Variants in PTCD3 observed in about 807,000 individuals in gnomAD.
The protein encoded by PTCD3 is small ribosomal subunit protein mS39.
In PTCD3, 89 loss-of-function variants were observed where a neutral mutation model predicts 101.9. The ratio of observed to expected loss-of-function variants is 0.87; its 90% confidence interval spans 0.74 to 1.04. PTCD3 has a LOEUF of 1.04. Ranked by LOEUF, PTCD3 falls within the 50% of genes least tolerant of loss-of-function variation. PTCD3 has a pLI of 0.00. For missense variants in PTCD3, 870 were observed against 828.2 expected (o/e 1.05, Z -0.62); for synonymous variants, 296 against 278.5 (o/e 1.06, Z -0.63).
chr2:86,109,889 T>C (rs1674043046), intron 3 of PTCD3, among the ~76,000 whole-genome samples: 1 of 152,242 alleles, frequency 6.6e-6, no homozygotes, highest in African/African-American at 2.4e-5. Flanking sequence ...TGTAGACACA[T>C]GCAGAATGAC....
chr2:86,109,147 T>C (rs1674027051), intron 3 of PTCD3, among the ~76,000 whole-genome samples: 1 of 152,232 alleles, frequency 6.6e-6, no homozygotes, highest in African/African-American at 2.4e-5. Flanking sequence ...GGCTTACGCC[T>C]GTAATCCCAG....
In PTCD3 at chr2:86,137,841, A is replaced by G; in HGVS notation, c.*282A>G. The stretch of plus-strand genomic sequence containing the variant: ...GAGGTCCATGGCTCTTGTCATCAGG[A>G]TAAGCCTGCACACCTAGAGTGTCGG... On this transcript the variant is annotated 3_prime_UTR_variant, in exon 24 of 24. Coordinates refer to ENST00000254630, the MANE Select transcript of PTCD3 (RefSeq NM_017952.6). The G allele has an allele frequency of 2.8e-6, 1 of 357,906 alleles. No homozygotes were observed. Among genetic ancestry groups the G allele is most frequent in the Non-Finnish European group, 5.4e-6 (1 of 184,118 alleles). 22.2% of individuals were successfully genotyped at this position (357,906 alleles called of 1,614,324 possible).
At chr2:86,135,255 T>C in intron 21 of PTCD3, 1 of 320,670 alleles carries the variant, frequency 3.1e-6, no homozygotes, top group Non-Finnish European at 5.7e-6. Context: ...ACCTCATTAT[T>C]CCACTTAAAT....
At chr2:86,120,438 T>C (rs912688299) in intron 7 of PTCD3, among the ~76,000 whole-genome samples, 1 of 150,940 alleles carries the variant, frequency 6.6e-6, no homozygotes, top group Non-Finnish European at 1.5e-5. Context: ...TATAATAATC[T>C]TATGAAGGTA....
chr2:86,113,453 C>T (rs1009271440), intron 4 of PTCD3, among the ~76,000 whole-genome samples: 2 of 152,052 alleles, frequency 1.3e-5, no homozygotes, highest in African/African-American at 2.4e-5. Context: ...CTCCTTAAGT[C>T]GATTATTACA....
Position 86,137,011 on chromosome 2 carries a change from G to A in PTCD3, c.1850G>A (p.Ser617Asn), listed in dbSNP as rs749938118. The A allele has an allele frequency of 2.3e-5, 37 of 1,613,614 alleles. No individual in the cohort carries two copies. The highest frequency in any genetic ancestry group is 3.0e-5 in the Non-Finnish European group (35 of 1,179,950). The change falls in exon 23 of 24, where the codon AGT (serine) becomes AAT (asparagine). Residue 617 changes from serine (S) to asparagine (N), a missense_variant. Physicochemically the swap from Ser to Asn is conservative, Grantham distance 46. Transcript: ENST00000254630. Reference protein sequence around the residue: ...RSELLNELMDSAKVSNSPSQA... With the variant: ...RSELLNELMDNAKVSNSPSQA... ...GAGTTGCTGAATGAGCTTATGGACA[G>A]TGCAAAAGTGTCTAACAGCCCTTCC...
At chr2:86,115,692 C>T (rs1215563342) in intron 4 of PTCD3, among the ~76,000 whole-genome samples, 1 of 152,090 alleles carries the variant, frequency 6.6e-6, no homozygotes, top group Non-Finnish European at 1.5e-5. Context: ...GGCACTCAGA[C>T]ACAGAAGAGA....
At chr2:86,134,217 A>C (rs2104462137) in intron 19 of PTCD3, 75 bp from the exon 20 acceptor site, 1 of 1,122,074 alleles carries the variant, frequency 8.9e-7, no homozygotes, top group South Asian at 1.4e-5. Flanking sequence ...CCTACCAAAA[A>C]ATAGGTTGAC....
At chr2:86,136,922 G>A (rs1229438176) in intron 22 of PTCD3, 60 bp from the exon 23 acceptor site, 2 of 1,587,732 alleles carry the variant, frequency 1.3e-6, no homozygotes, top group Non-Finnish European at 1.7e-6. Flanking sequence ...ACTGGATCTT[G>A]CCTATAAATG....
chr2:86,111,616 G>A (rs1244921333), intron 4 of PTCD3, among the ~76,000 whole-genome samples: 1 of 152,016 alleles, frequency 6.6e-6, no homozygotes, highest in Non-Finnish European at 1.5e-5. Flanking sequence ...TAATCCAGCT[G>A]AGCCAGGTGG....
intron 21 of PTCD3, chr2:86,135,787 G>A: frequency 4.8e-6 from 2 of 413,400 alleles, no homozygotes; most frequent in South Asian, 3.7e-5. Flanking sequence ...TGTCTCTCTA[G>A]CAACTATGCT....
chr2:86,119,360 C>T (rs949115673), intron 7 of PTCD3, among the ~76,000 whole-genome samples: 7 of 141,304 alleles, frequency 5.0e-5, no homozygotes, highest in African/African-American at 1.8e-4. Context: ...TACCCTTTTC[C>T]TTTTTTTTTT....
rs755235910 is a variant in PTCD3, at chr2:86,137,586, G to A, written c.*27G>A. Reference sequence around the variant, plus strand: ...AGTGGAGATTCAGGAGCAGCAATGGGTCTCACCATAGCTGCTGGAATCACA... The same window carrying A: ...AGTGGAGATTCAGGAGCAGCAATGGATCTCACCATAGCTGCTGGAATCACA... On this transcript the variant is annotated 3_prime_UTR_variant, in exon 24 of 24. Coordinates refer to ENST00000254630, the MANE Select transcript of PTCD3 (RefSeq NM_017952.6). 19 of 1,472,286 alleles carry A rather than the reference G, an allele frequency of 1.3e-5. No homozygotes were observed. The African/African-American group carries it at 2.3e-4, about 17-fold the overall frequency. The allele number at this position is 1,472,286 out of a possible 1,614,324, so 91.2% of individuals were successfully genotyped here. A position where few individuals can be genotyped will look rare whatever the true frequency, so the allele number is the denominator to read the frequency against.
At position 86,139,758 on chromosome 2, in the gene PTCD3, A is replaced by C. The variant is rs927536436; in HGVS notation, c.*2199A>C. 6.6e-6 allele frequency: 1 copy of C among 152,126 alleles called. No individual in the cohort carries two copies. Among genetic ancestry groups the C allele is most frequent in the African/African-American group, 2.4e-5 (1 of 41,378 alleles). The allele number at this position is 152,126 out of a possible 1,614,324, so 9.4% of individuals were successfully genotyped here. Reference sequence around the variant, plus strand: ...CTGAGGCTGCAGTAGCCATGACTGCACCACTGCATTCCAGCCTGGTTGACA... The same window carrying C: ...CTGAGGCTGCAGTAGCCATGACTGCCCCACTGCATTCCAGCCTGGTTGACA... On this transcript the variant is annotated 3_prime_UTR_variant, in exon 24 of 24. Transcript: ENST00000254630.
At chr2:86,121,380 A>AG in intron 7 of PTCD3, 99 bp from the exon 8 acceptor site, 1 of 694,892 alleles carries the variant, frequency 1.4e-6, no homozygotes, top group East Asian at 2.7e-5. Flanking sequence ...GTAGCCCTGA[A>AG]GACCACCGCT....
Position 86,124,518 on chromosome 2 carries a change from G to A in PTCD3, c.717-477G>A, listed in dbSNP as rs143956612. Among the ~76,000 whole-genome samples the A allele has an allele frequency of 6.6e-3, 1,005 of 152,244 alleles. 11 individuals are homozygous for A. The highest frequency in any genetic ancestry group is 0.023 in the African/African-American group (944 of 41,540). ...CACGTGCCTGTAATTCCAGCTACTC[G>A]AGAGGTGGAGGCAGGAGAATCACTT... On this transcript the variant is annotated intron_variant, in intron 9 of 23. Coordinates refer to ENST00000254630, the MANE Select transcript of PTCD3 (RefSeq NM_017952.6).
At chr2:86,131,955 G>A (rs1239518602) in intron 16 of PTCD3, among the ~76,000 whole-genome samples, 4 of 152,156 alleles carry the variant, frequency 2.6e-5, no homozygotes, top group African/African-American at 9.7e-5. Context: ...TTTATTTGTT[G>A]GCAGCAACCA....
chr2:86,127,085 T>G, intron 12 of PTCD3, 76 bp from the exon 13 acceptor site: 1 of 1,333,182 alleles, frequency 7.5e-7, no homozygotes. Flanking sequence ...GCTAAATTCT[T>G]TACTTTGTAT....
chr2:86,137,729 C>A lies in PTCD3; in HGVS notation c.*170C>A. On this transcript the variant is annotated 3_prime_UTR_variant, in exon 24 of 24. Transcript: ENST00000254630. ...CACAGCTGACTTATGTAGATTTAAG[C>A]TGCTAATATGCTACTTAACCATCTA... 1.1e-6 allele frequency: 1 copy of A among 873,236 alleles called. No individual in the cohort carries two copies. Among genetic ancestry groups the A allele is most frequent in the Non-Finnish European group, 1.7e-6 (1 of 584,034 alleles). 54.1% of individuals were successfully genotyped at this position (873,236 alleles called of 1,614,324 possible).
Sources: allele counts gnomAD v4.1 joint callset (sites outside exome capture counted in the v4.1 genomes callset), GRCh38; gene constraint gnomAD v4.1.1; transcripts MANE v1.5; gene names NCBI Gene and HGNC (gene_info 2026-07-23, HGNC 2026-07-21).